Variants in SNTG2 observed in about 807,000 individuals in gnomAD.
SNTG2 encodes the protein syntrophin gamma 2.
In SNTG2, 74 loss-of-function variants were observed where a neutral mutation model predicts 70.9. The observed-to-expected ratio is 1.04, with a 90% CI of 0.86 to 1.27. The LOEUF (loss-of-function observed/expected upper bound fraction) is 1.27, where lower values mean the gene tolerates loss of function less well. Ranked by LOEUF, SNTG2 falls within the 50% of genes most tolerant of loss-of-function variation. The pLI is 0.00. For synonymous variants in SNTG2, 278 were observed against 273.8 expected, an observed-to-expected ratio of 1.02 and a Z score of -0.15; for missense variants, 717 against 690.7, an observed-to-expected ratio of 1.04 and a Z score of -0.43.
intron 2 of SNTG2, among the ~76,000 whole-genome samples, chr2:1,084,547 C>G (rs1265715971): frequency 6.6e-6 from 1 of 152,140 alleles, no homozygotes; most frequent in Non-Finnish European, 1.5e-5. Flanking sequence ...CTTTCAGTTG[C>G]TCTTCCCTGG....
chr2:984,483 G>A (rs1661239646), intron 1 of SNTG2, among the ~76,000 whole-genome samples: 1 of 151,926 alleles, frequency 6.6e-6, no homozygotes, highest in African/African-American at 2.4e-5. Context: ...GAAGATACTC[G>A]GTGCTTCCTT....
chr2:1,262,015 G>A (rs574662155), intron 13 of SNTG2, among the ~76,000 whole-genome samples: 36 of 152,242 alleles, frequency 2.4e-4, no homozygotes, highest in African/African-American at 7.9e-4. Context: ...GGATCTTCGG[G>A]GTAGTCCTGT....
intron 15 of SNTG2, among the ~76,000 whole-genome samples, chr2:1,312,380 A>G (rs1320203739): frequency 6.6e-6 from 1 of 152,144 alleles, no homozygotes; most frequent in Non-Finnish European, 1.5e-5. Context: ...CTGGATTAGC[A>G]CTGACTTCCC....
chr2:1,255,919 AATATATAAATATATAAATATAT>A (rs1558603053), intron 12 of SNTG2, among the ~76,000 whole-genome samples: 3 of 90,250 alleles, frequency 3.3e-5, no homozygotes, highest in East Asian at 2.8e-4. Flanking sequence ...TATATATATA[AATATATAAATATATAAATATAT>A]ATATATATAA....
At chr2:1,289,622 C>T (rs1679906857) in intron 14 of SNTG2, among the ~76,000 whole-genome samples, 1 of 152,076 alleles carries the variant, frequency 6.6e-6, no homozygotes, top group Non-Finnish European at 1.5e-5. Flanking sequence ...GGAGTAGGAC[C>T]CTTATTTTAA....
rs555749243 is a variant in SNTG2, at chr2:1,190,913, T to C, written c.591+17730T>C. ...ACCACTTTGAAAAACAATTTAGTACTATCATTTACAACTGAATGTTTAAAA... is the reference window on the plus strand; with the variant it reads ...ACCACTTTGAAAAACAATTTAGTACCATCATTTACAACTGAATGTTTAAAA... On this transcript the variant is annotated intron_variant, in intron 8 of 16. Transcript: ENST00000308624. 5.3e-5 allele frequency among the ~76,000 whole-genome samples: 8 copies of C among 152,322 alleles called. No homozygotes were observed. The East Asian group carries it at 1.5e-3, about 29-fold the overall frequency.
intron 1 of SNTG2, among the ~76,000 whole-genome samples, chr2:980,132 C>T (rs1661051150): frequency 6.6e-6 from 1 of 152,034 alleles, no homozygotes; most frequent in African/African-American, 2.4e-5. Context: ...TCCAAATTAC[C>T]ATCCTCCTTA....
intron 9 of SNTG2, among the ~76,000 whole-genome samples, chr2:1,215,255 G>C (rs1355820102): frequency 6.6e-6 from 1 of 152,178 alleles, no homozygotes; most frequent in East Asian, 1.9e-4. Context: ...TCATAAAGGT[G>C]AGTTTGGAAG....
chr2:956,814 C>T (rs1010106103), intron 1 of SNTG2, among the ~76,000 whole-genome samples: 56 of 152,214 alleles, frequency 3.7e-4, no homozygotes, highest in African/African-American at 1.2e-3. Context: ...GAGAAAGTTC[C>T]GTTTCTGGTT....
chr2:975,108 A>G (rs754338228), intron 1 of SNTG2, among the ~76,000 whole-genome samples: 29 of 151,896 alleles, frequency 1.9e-4, no homozygotes, highest in Middle Eastern at 6.3e-3. Flanking sequence ...AACAAACCAC[A>G]CCACACACTT....
chr2:1,063,260 T>C (rs1353261108), intron 1 of SNTG2, among the ~76,000 whole-genome samples: 1 of 152,152 alleles, frequency 6.6e-6, no homozygotes, highest in Non-Finnish European at 1.5e-5. Context: ...TCCTCACAGA[T>C]GAGCTAAGGA....
At chr2:1,253,451 C>G (rs72768897) in intron 12 of SNTG2, among the ~76,000 whole-genome samples, 1 of 152,304 alleles carries the variant, frequency 6.6e-6, no homozygotes, top group Non-Finnish European at 1.5e-5. Flanking sequence ...GCTCAGAAAG[C>G]CCTCACTATG....
rs1006572135 is a variant in SNTG2, at chr2:1,009,542, A to T, written c.72+58474A>T. Among the ~76,000 whole-genome samples the T allele has an allele frequency of 2.3e-4, 33 of 143,636 alleles. No homozygotes were observed. In the East Asian group the frequency reaches 2.5e-3, roughly 11 times the overall value. 94.2% of individuals were successfully genotyped at this position (143,636 alleles called of 152,430 possible). The stretch of plus-strand genomic sequence containing the variant: ...GGCAGCCACACCTGTGTCCCCAGGA[A>T]GACTGCTGGTTCTGATACTGGTGTG... On this transcript the variant is annotated intron_variant, in intron 1 of 16. Coordinates refer to ENST00000308624, the MANE Select transcript of SNTG2 (RefSeq NM_018968.4).
intron 1 of SNTG2, among the ~76,000 whole-genome samples, chr2:1,068,739 G>T (rs1663323017): frequency 6.6e-6 from 1 of 152,212 alleles, no homozygotes. Context: ...ACATAGCACA[G>T]AAGTTTCATG....
intron 14 of SNTG2, among the ~76,000 whole-genome samples, chr2:1,284,870 TACTG>T (rs1347712511): frequency 2.0e-5 from 3 of 150,442 alleles, no homozygotes; most frequent in African/African-American, 7.4e-5. Flanking sequence ...ACCATATACT[TACTG>T]TATTAGTCAG....
intron 1 of SNTG2, among the ~76,000 whole-genome samples, chr2:1,027,001 C>G (rs552799342): frequency 1.3e-5 from 2 of 152,314 alleles, no homozygotes; most frequent in East Asian, 3.9e-4. Context: ...CAGCCTCCAT[C>G]GTGCTACCCT....
At chr2:1,285,046 G>A (rs538862129) in intron 14 of SNTG2, among the ~76,000 whole-genome samples, 1 of 152,102 alleles carries the variant, frequency 6.6e-6, no homozygotes, top group Admixed American at 6.5e-5. Flanking sequence ...TCCCCAAGCT[G>A]AGGAGCAAGG....
chr2:1,240,629 G>A (rs1396772010), intron 11 of SNTG2, among the ~76,000 whole-genome samples: 1 of 152,158 alleles, frequency 6.6e-6, no homozygotes, highest in Non-Finnish European at 1.5e-5. Context: ...TTTAAATAGT[G>A]CTTAGCAAGA....
In SNTG2 at chr2:1,200,844, T is replaced by C. The variant is rs150735889; in HGVS notation, c.592-8259T>C. On this transcript the variant is annotated intron_variant, in intron 8 of 16. Transcript: ENST00000308624. ...AATGAAAATCAAAATCATGATGAAA[T>C]ATTATCTTACCCCAGTTAGAATGGT... Among the ~76,000 whole-genome samples the C allele has an allele frequency of 1.4e-3, 214 of 152,120 alleles. 1 individual carries two copies. In the Middle Eastern group the frequency reaches 0.027, roughly 19 times the overall value.
Sources: allele counts gnomAD v4.1 joint callset (sites outside exome capture counted in the v4.1 genomes callset), GRCh38; gene constraint gnomAD v4.1.1; transcripts MANE v1.5; gene names NCBI Gene and HGNC (gene_info 2026-07-23, HGNC 2026-07-21).